Variants in PRTG observed in about 807,000 individuals in gnomAD.
PRTG encodes the protein immunoglobulin superfamily, DCC subclass, member 5.
A neutral mutation model predicts 122.5 loss-of-function variants in PRTG; 67 were observed. That is an observed-to-expected ratio of 0.55 (90% confidence interval 0.45 to 0.67). The LOEUF (loss-of-function observed/expected upper bound fraction) is 0.67. PRTG is among the 30% of genes least tolerant of loss of function. PRTG has a pLI of 0.00. For synonymous variants in PRTG, 554 were observed against 501.1 expected, an observed-to-expected ratio of 1.11 and a Z score of -1.41; for missense variants, 1,435 against 1,415.4, an observed-to-expected ratio of 1.01 and a Z score of -0.22.
At chr15:55,624,557 G>A (rs2059184751) in intron 17 of PRTG, 50 bp from the exon 18 acceptor site, 1 of 1,534,116 alleles carries the variant, frequency 6.5e-7, no homozygotes, top group Admixed American at 1.9e-5. Flanking sequence ...AGAAGATGCA[G>A]GCAAATGAAC....
intron 18 of PRTG, among the ~76,000 whole-genome samples, chr15:55,623,838 A>T (rs2059179850): frequency 6.6e-6 from 1 of 152,212 alleles, no homozygotes; most frequent in African/African-American, 2.4e-5. Context: ...AACTTTCTTC[A>T]GCCATAAAAC....
intron 4 of PRTG, chr15:55,681,200 A>G (rs495381): frequency 6.6e-6 from 1 of 152,104 alleles, no homozygotes. Flanking sequence ...TGAGGTTCAA[A>G]CATTCATTTA....
At chr15:55,672,418 G>A (rs886907531) in intron 11 of PRTG, 27 bp downstream of exon 11, 1 of 1,566,218 alleles carries the variant, frequency 6.4e-7, no homozygotes, top group Non-Finnish European at 8.7e-7. Flanking sequence ...AAGGAAAAAG[G>A]GAAAAATACA....
At chr15:55,738,053 A>ACACACAC (rs2031488284) in intron 2 of PRTG, among the ~76,000 whole-genome samples, 5 of 83,572 alleles carry the variant, frequency 6.0e-5, no homozygotes, top group African/African-American at 1.5e-4. Flanking sequence ...CACACACACC[A>ACACACAC]CACACACTCT....
At chr15:55,702,872 A>G (rs1194454648) in intron 2 of PRTG, 3 of 982,598 alleles carry the variant, frequency 3.1e-6, no homozygotes, top group Middle Eastern at 5.2e-4. Flanking sequence ...TGGCACACAC[A>G]GGATTGCAAT....
chr15:55,698,056 T>A (rs559866488), intron 2 of PRTG, among the ~76,000 whole-genome samples: 1 of 152,128 alleles, frequency 6.6e-6, no homozygotes, highest in Non-Finnish European at 1.5e-5. Context: ...CCATTCCAAC[T>A]TGCACCAAGG....
In PRTG at chr15:55,679,280, G is replaced by C. The variant is rs769701552; in HGVS notation, c.1133+6C>G. 19 of 1,601,084 alleles carry C rather than the reference G, an allele frequency of 1.2e-5. No homozygotes were observed. The highest frequency in any genetic ancestry group is 1.5e-5 in the Non-Finnish European group (18 of 1,169,102). ...TATAAAATGGTAGCAAAGTTACACA[G>C]CCTACCTGTTGTACATTTTAATTCT... On this transcript the variant is annotated splice_donor_region_variant and intron_variant, in intron 7 of 19. Transcript: ENST00000389286.
At chr15:55,657,985 C>G (rs1375722948) in intron 11 of PRTG, among the ~76,000 whole-genome samples, 1 of 152,160 alleles carries the variant, frequency 6.6e-6, no homozygotes, top group Admixed American at 6.5e-5. Context: ...TTGCTGTTTT[C>G]TTTTCATTCC....
chr15:55,649,370 T>TATAC (rs1214455077), intron 11 of PRTG, among the ~76,000 whole-genome samples: 4 of 152,136 alleles, frequency 2.6e-5, no homozygotes, highest in Non-Finnish European at 5.9e-5. Flanking sequence ...AAAATGGGTA[T>TATAC]GACAATGATA....
chr15:55,679,557 A>G (rs1210600874), intron 6 of PRTG, 112 bp from the exon 7 acceptor site: 1 of 744,002 alleles, frequency 1.3e-6, no homozygotes, highest in Non-Finnish European at 2.1e-6. Flanking sequence ...GATGCCTGAC[A>G]TGCTGAGCTC....
At chr15:55,692,396 A>G (rs184474144) in intron 2 of PRTG, among the ~76,000 whole-genome samples, 100 of 152,310 alleles carry the variant, frequency 6.6e-4, no homozygotes, top group African/African-American at 2.2e-3. Flanking sequence ...ACCAAACATC[A>G]TTTGGCTCAG....
chr15:55,680,457 A>G, intron 5 of PRTG, 34 bp downstream of exon 5: 1 of 1,535,886 alleles, frequency 6.5e-7, no homozygotes, highest in Non-Finnish European at 8.8e-7. Context: ...AATTTAAGGA[A>G]AAGACTTTTT....
chr15:55,695,915 G>A (rs1236152982), intron 2 of PRTG, among the ~76,000 whole-genome samples: 1 of 152,092 alleles, frequency 6.6e-6, no homozygotes, highest in Non-Finnish European at 1.5e-5. Flanking sequence ...AGGTTGCAGT[G>A]AGCCGAGATT....
intron 2 of PRTG, among the ~76,000 whole-genome samples, chr15:55,739,517 G>A (rs1351603383): frequency 6.6e-6 from 1 of 152,148 alleles, no homozygotes; most frequent in Non-Finnish European, 1.5e-5. Flanking sequence ...CAGGTCAAAT[G>A]CCTTAAAACT....
At chr15:55,665,019 G>A (rs1434435403) in intron 11 of PRTG, among the ~76,000 whole-genome samples, 1 of 152,052 alleles carries the variant, frequency 6.6e-6, no homozygotes, top group Non-Finnish European at 1.5e-5. Flanking sequence ...AGCACTTTGG[G>A]AGGCCGAGGC....
At chr15:55,621,131 A>C (rs2059163817) in intron 18 of PRTG, among the ~76,000 whole-genome samples, 1 of 152,200 alleles carries the variant, frequency 6.6e-6, no homozygotes, top group Non-Finnish European at 1.5e-5. Context: ...AGGTGGGTGG[A>C]TCATGAGGTC....
rs942234572 is a variant in PRTG, at chr15:55,615,511, C to T, written c.*4501G>A. 8 of 152,092 alleles carry T rather than the reference C, an allele frequency of 5.3e-5. No homozygotes were observed. The highest frequency in any genetic ancestry group is 9.7e-5 in the African/African-American group (4 of 41,424). 9.4% of individuals were successfully genotyped at this position (152,092 alleles called of 1,614,324 possible). ...AACTTAACACAGAACTCTACGGTTACATTCTTCTAAACATCAATAAAAAAA... is the reference window on the plus strand; with the variant it reads ...AACTTAACACAGAACTCTACGGTTATATTCTTCTAAACATCAATAAAAAAA... On this transcript the variant is annotated 3_prime_UTR_variant, in exon 20 of 20. Transcript: ENST00000389286.
At chr15:55,653,785 C>T (rs1460221258) in intron 11 of PRTG, among the ~76,000 whole-genome samples, 2 of 152,142 alleles carry the variant, frequency 1.3e-5, no homozygotes, top group Non-Finnish European at 2.9e-5. Flanking sequence ...ATGTTTAAAA[C>T]CTCCCCCAAA....
chr15:55,702,513 C>G (rs1340779041), intron 2 of PRTG, among the ~76,000 whole-genome samples: 1 of 152,122 alleles, frequency 6.6e-6, no homozygotes. Flanking sequence ...TCATCTAGAG[C>G]ATATAGTATA....
Sources: allele counts gnomAD v4.1 joint callset (sites outside exome capture counted in the v4.1 genomes callset), GRCh38; gene constraint gnomAD v4.1.1; transcripts MANE v1.5; gene names NCBI Gene and HGNC (gene_info 2026-07-23, HGNC 2026-07-21).